IL1RAPL1: variants seen among roughly 807,000 people sequenced by gnomAD.
The protein encoded by IL1RAPL1 is interleukin-1 receptor accessory protein-like 1.
In IL1RAPL1, 3 loss-of-function variants were observed where a neutral mutation model predicts 48.4. That is an observed-to-expected ratio of 0.06 (90% CI 0.03 to 0.16). The LOEUF (loss-of-function observed/expected upper bound fraction) is 0.16. Ranked by LOEUF, IL1RAPL1 falls within the 10% of genes least tolerant of loss-of-function variation. IL1RAPL1 has a pLI of 1.00. For synonymous variants in IL1RAPL1, 185 were observed against 187.7 expected (o/e 0.99, Z 0.12); for missense variants, 349 against 530.6 (o/e 0.66, Z 3.36).
intron 3 of IL1RAPL1, among the ~76,000 whole-genome samples, chrX:29,383,951 C>T (rs1363760617): frequency 8.9e-6 from 1 of 112,017 alleles, no homozygotes; most frequent in Non-Finnish European, 1.9e-5. Flanking sequence ...GGAAAAGTAC[C>T]TTAACTTATT....
At chrX:28,885,905 T>A (rs1011109968) in intron 2 of IL1RAPL1, among the ~76,000 whole-genome samples, 2 of 111,779 alleles carry the variant, frequency 1.8e-5, no homozygotes, top group Admixed American at 1.9e-4. Context: ...TCTAACTTTT[T>A]AGTGATTTCC....
chrX:28,728,955 A>G lies in IL1RAPL1; in HGVS notation c.-24-60365A>G, dbSNP rs774123676. 6.8e-4 allele frequency among the ~76,000 whole-genome samples: 76 copies of G among 111,630 alleles called. 1 individual carries two copies. Among genetic ancestry groups the G allele is most frequent in the African/African-American group, 2.4e-3 (75 of 30,832 alleles). Reference sequence around the variant, plus strand: ...CTTTTTCCTTAAAGAAAATTTTTCAAGTTGTATTTCTTTTTCACTTTAAAA... The same window carrying G: ...CTTTTTCCTTAAAGAAAATTTTTCAGGTTGTATTTCTTTTTCACTTTAAAA... On this transcript the variant is annotated intron_variant, in intron 1 of 10. Transcript: ENST00000378993.
At chrX:29,925,412 GTTTTTT>G (rs763481708) in intron 8 of IL1RAPL1, among the ~76,000 whole-genome samples, 21 of 11,460 alleles carry the variant, frequency 1.8e-3, no homozygotes, top group African/African-American at 6.7e-3. Flanking sequence ...TCCCGTAACT[GTTTTTT>G]TTTTTTTTTT....
chrX:29,932,147 A>G lies in IL1RAPL1; in HGVS notation c.1058-9504A>G, dbSNP rs113992748. Among the ~76,000 whole-genome samples, 302 of 112,172 alleles carry G rather than the reference A, an allele frequency of 2.7e-3. 2 individuals carry two copies. The highest frequency in any genetic ancestry group is 9.1e-3 in the African/African-American group (281 of 30,922). On this transcript the variant is annotated intron_variant, in intron 8 of 10. Transcript: ENST00000378993. Reference sequence around the variant, plus strand: ...TGAGATCTGAGATAAAGGAAGCCCCATCTGAATACTTTGTACCTGTATGTG... The same window carrying G: ...TGAGATCTGAGATAAAGGAAGCCCCGTCTGAATACTTTGTACCTGTATGTG...
chrX:29,506,421 CT>C (rs1450419773), intron 5 of IL1RAPL1, among the ~76,000 whole-genome samples: 55 of 67,612 alleles, frequency 8.1e-4, no homozygotes, highest in African/African-American at 2.9e-3. Context: ...TTCTCTTCTT[CT>C]TCTTCTCCTT....
rs776726817 is a variant in IL1RAPL1 at position 29,352,494 on chromosome X, A to G, written c.363-43764A>G. ...TTTGTGCTGTAAATCTATCTTAAGG[A>G]TATATAAGGGGTGGAGATGGTCAAG... is the stretch of plus-strand genomic sequence containing the variant. On this transcript the variant is annotated intron_variant, in intron 3 of 10. Coordinates refer to ENST00000378993, the MANE Select transcript of IL1RAPL1 (RefSeq NM_014271.4). Among the ~76,000 whole-genome samples, 7 of 111,238 alleles carry G rather than the reference A, an allele frequency of 6.3e-5. No homozygotes were observed. In the South Asian group the frequency reaches 2.6e-3, roughly 42 times the overall value.
At chrX:29,833,167 CA>C (rs1930920074) in intron 6 of IL1RAPL1, among the ~76,000 whole-genome samples, 1 of 111,310 alleles carries the variant, frequency 9.0e-6, no homozygotes, top group East Asian at 2.8e-4. Flanking sequence ...CAAATTCTTC[CA>C]GAAGTACCTT....
At chrX:29,138,733 C>T (rs1199711725) in intron 2 of IL1RAPL1, among the ~76,000 whole-genome samples, 1 of 104,306 alleles carries the variant, frequency 9.6e-6, no homozygotes, top group East Asian at 3.0e-4. Flanking sequence ...GCTGAGATCC[C>T]GCCACTGCAC....
intron 2 of IL1RAPL1, among the ~76,000 whole-genome samples, chrX:28,928,304 G>A (rs940710552): frequency 9.0e-6 from 1 of 111,196 alleles, no homozygotes; most frequent in Non-Finnish European, 1.9e-5. Context: ...TTCTCACCTA[G>A]ACTGTTACAA....
At chrX:29,212,308 T>A (rs1930784897) in intron 2 of IL1RAPL1, among the ~76,000 whole-genome samples, 1 of 108,866 alleles carries the variant, frequency 9.2e-6, no homozygotes, top group African/African-American at 3.3e-5. Flanking sequence ...AACTTAGGAG[T>A]CCCCCCAATT....
At chrX:28,701,924 A>G (rs1371963993) in intron 1 of IL1RAPL1, among the ~76,000 whole-genome samples, 3 of 111,824 alleles carry the variant, frequency 2.7e-5, no homozygotes, top group Non-Finnish European at 5.6e-5. Flanking sequence ...TACATCAAAT[A>G]CCTTTAGGTT....
At chrX:29,034,284 C>T (rs1926682424) in intron 2 of IL1RAPL1, among the ~76,000 whole-genome samples, 1 of 111,838 alleles carries the variant, frequency 8.9e-6, no homozygotes, top group African/African-American at 3.2e-5. Context: ...ACCGAGTTCT[C>T]TATTTAGTTC....
intron 5 of IL1RAPL1, among the ~76,000 whole-genome samples, chrX:29,403,625 A>C (rs1398847831): frequency 1.8e-5 from 2 of 112,124 alleles, no homozygotes; most frequent in African/African-American, 6.5e-5. Context: ...ACATATCTAT[A>C]GATATTTATA....
chrX:29,066,878 G>A (rs1297074629), intron 2 of IL1RAPL1, among the ~76,000 whole-genome samples: 2 of 111,435 alleles, frequency 1.8e-5, no homozygotes, highest in Non-Finnish European at 3.8e-5. Flanking sequence ...GGAGAGAGTC[G>A]TCTTTGTCTG....
chrX:29,203,389 CT>C (rs1175984544), intron 2 of IL1RAPL1, among the ~76,000 whole-genome samples: 1 of 110,929 alleles, frequency 9.0e-6, no homozygotes, highest in African/African-American at 3.3e-5. Context: ...AAATGTTTAT[CT>C]TTTTTTTGTG....
chrX:28,701,483 A>G (rs1464977823), intron 1 of IL1RAPL1, among the ~76,000 whole-genome samples: 1 of 112,365 alleles, frequency 8.9e-6, no homozygotes, highest in East Asian at 2.8e-4. Flanking sequence ...AAGAAATTAC[A>G]AGAATACTGC....
At chrX:28,943,006 A>T (rs779967378) in intron 2 of IL1RAPL1, among the ~76,000 whole-genome samples, 14 of 110,840 alleles carry the variant, frequency 1.3e-4, no homozygotes, top group Non-Finnish European at 2.1e-4. Flanking sequence ...AAACTTCTAT[A>T]GATCAACACA....
intron 5 of IL1RAPL1, among the ~76,000 whole-genome samples, chrX:29,546,997 T>C (rs1222579258): frequency 8.9e-6 from 1 of 111,752 alleles, no homozygotes; most frequent in Non-Finnish European, 1.9e-5. Flanking sequence ...TTTGTTGGCT[T>C]TGGGCTTTAA....
At chrX:29,099,262 T>G (rs779024974) in intron 2 of IL1RAPL1, among the ~76,000 whole-genome samples, 12 of 112,111 alleles carry the variant, frequency 1.1e-4, no homozygotes, top group Non-Finnish European at 2.3e-4. Flanking sequence ...TTATCACATG[T>G]ATACAGTCAA....
Sources: allele counts gnomAD v4.1 joint callset (sites outside exome capture counted in the v4.1 genomes callset), GRCh38; gene constraint gnomAD v4.1.1; transcripts MANE v1.5; gene names NCBI Gene and HGNC (gene_info 2026-07-23, HGNC 2026-07-21).